Variants in NLGN1 observed in about 807,000 individuals in gnomAD.
The protein encoded by NLGN1 is neuroligin-1.
NLGN1 carries 12 observed loss-of-function variants against 65.5 expected under a neutral mutation model. The ratio of observed to expected loss-of-function variants is 0.18; its 90% CI spans 0.12 to 0.30. NLGN1 has a LOEUF of 0.30. Ranked by LOEUF, NLGN1 falls within the 10% of genes least tolerant of loss-of-function variation. The pLI is 1.00. For synonymous variants in NLGN1, 350 were observed against 359.5 expected (o/e 0.97, Z 0.30); for missense variants, 750 against 1,007.1 (o/e 0.74, Z 3.46).
chr3:174,176,904 G>A (rs1039927559), intron 4 of NLGN1, among the ~76,000 whole-genome samples: 10 of 152,016 alleles, frequency 6.6e-5, no homozygotes, highest in Non-Finnish European at 1.2e-4. Flanking sequence ...CAATTTTAAT[G>A]ACTCTGAGTT....
At chr3:173,509,551 T>G (rs1424615373) in intron 2 of NLGN1, among the ~76,000 whole-genome samples, 1 of 152,072 alleles carries the variant, frequency 6.6e-6, no homozygotes, top group Non-Finnish European at 1.5e-5. Context: ...AAGTTGAAGC[T>G]CCAATGAGCC....
chr3:173,551,227 A>G (rs1473914524), intron 2 of NLGN1, among the ~76,000 whole-genome samples: 1 of 143,904 alleles, frequency 6.9e-6, no homozygotes, highest in East Asian at 2.1e-4. Flanking sequence ...GGATCTTGCT[A>G]AAAGTTTTTC....
At chr3:174,018,794 CT>C (rs1167965727) in intron 4 of NLGN1, among the ~76,000 whole-genome samples, 2 of 152,056 alleles carry the variant, frequency 1.3e-5, no homozygotes, top group Non-Finnish European at 2.9e-5. Context: ...TTGATACTGC[CT>C]TGATTAAAGT....
chr3:173,644,625 C>A, intron 3 of NLGN1: 1 of 157,304 alleles, frequency 6.4e-6, no homozygotes, highest in Non-Finnish European at 1.4e-5. Context: ...TGGAACAACT[C>A]CAGCGCACTC....
At chr3:174,151,430 G>A (rs1378592799) in intron 4 of NLGN1, among the ~76,000 whole-genome samples, 2 of 152,076 alleles carry the variant, frequency 1.3e-5, no homozygotes, top group African/African-American at 2.4e-5. Context: ...TGCTGATTAT[G>A]TGCATGATGT....
chr3:173,729,689 G>A (rs1772452180), intron 3 of NLGN1, among the ~76,000 whole-genome samples: 1 of 151,984 alleles, frequency 6.6e-6, no homozygotes, highest in Admixed American at 6.6e-5. Context: ...GAGAAATATT[G>A]ACAGCATTGA....
chr3:173,763,884 C>G (rs1020736408), intron 3 of NLGN1, among the ~76,000 whole-genome samples: 1 of 152,122 alleles, frequency 6.6e-6, no homozygotes, highest in African/African-American at 2.4e-5. Context: ...CCCACTTACC[C>G]TTTCACACAT....
chr3:174,275,904 C>T (rs948260690), intron 5 of NLGN1, among the ~76,000 whole-genome samples: 1 of 151,808 alleles, frequency 6.6e-6, no homozygotes, highest in Admixed American at 6.6e-5. Flanking sequence ...TGTATATAAT[C>T]TATTTTCAAG....
At chr3:173,414,872 A>C (rs752269164) in intron 1 of NLGN1, among the ~76,000 whole-genome samples, 2 of 152,168 alleles carry the variant, frequency 1.3e-5, no homozygotes, top group Admixed American at 6.5e-5. Flanking sequence ...TCAGATAAGA[A>C]AGCATCCTGA....
At chr3:174,120,587 T>G (rs1717563563) in intron 4 of NLGN1, among the ~76,000 whole-genome samples, 1 of 152,196 alleles carries the variant, frequency 6.6e-6, no homozygotes, top group African/African-American at 2.4e-5. Flanking sequence ...TTAATTTGAC[T>G]CATAAAAAAT....
chr3:173,517,300 A>C (rs1733963503), intron 2 of NLGN1, among the ~76,000 whole-genome samples: 1 of 152,064 alleles, frequency 6.6e-6, no homozygotes, highest in East Asian at 1.9e-4. Flanking sequence ...GTTGCAGAAC[A>C]AAGAAGGGCA....
chr3:173,821,797 A>T (rs752884261), intron 4 of NLGN1, among the ~76,000 whole-genome samples: 11 of 152,198 alleles, frequency 7.2e-5, no homozygotes, highest in Non-Finnish European at 1.6e-4. Flanking sequence ...ATATTTTACT[A>T]TAATTCATAC....
At chr3:173,906,071 G>A (rs763926669) in intron 4 of NLGN1, among the ~76,000 whole-genome samples, 14 of 152,112 alleles carry the variant, frequency 9.2e-5, no homozygotes, top group Non-Finnish European at 1.2e-4. Context: ...TAATTTCAAG[G>A]GGAAAGAGAA....
chr3:174,005,997 G>A (rs985615431), intron 4 of NLGN1, among the ~76,000 whole-genome samples: 4 of 151,646 alleles, frequency 2.6e-5, no homozygotes, highest in Admixed American at 1.3e-4. Context: ...ACTACTATAC[G>A]GTCAAACTGC....
intron 4 of NLGN1, among the ~76,000 whole-genome samples, chr3:173,892,287 C>G (rs886970578): frequency 2.0e-5 from 3 of 151,546 alleles, no homozygotes; most frequent in Non-Finnish European, 2.9e-5. Flanking sequence ...GTGTCATATC[C>G]TCCAATAGAT....
chr3:174,114,393 G>C (rs1715902082), intron 4 of NLGN1, among the ~76,000 whole-genome samples: 1 of 152,102 alleles, frequency 6.6e-6, no homozygotes, highest in African/African-American at 2.4e-5. Context: ...CTGTAAAAAT[G>C]ATCTCTCTCA....
chr3:173,580,289 T>C (rs561572964), intron 2 of NLGN1, among the ~76,000 whole-genome samples: 24 of 152,242 alleles, frequency 1.6e-4, no homozygotes, highest in African/African-American at 4.1e-4. Flanking sequence ...AAATAAGATA[T>C]GTAATTCTAA....
intron 4 of NLGN1, among the ~76,000 whole-genome samples, chr3:173,820,194 A>G (rs73880589): frequency 4.0e-5 from 6 of 151,494 alleles, no homozygotes; most frequent in African/African-American, 1.5e-4. Context: ...AAAAAAAAAA[A>G]AAAAAAAAAC....
At chr3:173,450,430 A>C (rs188951376) in intron 2 of NLGN1, among the ~76,000 whole-genome samples, 4,671 of 152,218 alleles carry the variant, frequency 0.031, 239 homozygotes, top group African/African-American at 0.11. Context: ...CTGAGAGATC[A>C]GCTGTTAGTC....
Sources: allele counts gnomAD v4.1 joint callset (sites outside exome capture counted in the v4.1 genomes callset), GRCh38; gene constraint gnomAD v4.1.1; transcripts MANE v1.5; gene names NCBI Gene and HGNC (gene_info 2026-07-23, HGNC 2026-07-21).